DNAH6: variants seen among roughly 807,000 people sequenced by gnomAD.
DNAH6 encodes axonemal beta dynein heavy chain 6.
A neutral mutation model predicts 491.4 loss-of-function variants in DNAH6; 340 were observed. The ratio of observed to expected loss-of-function variants is 0.69; its 90% CI spans 0.63 to 0.76. The LOEUF is 0.76. Ranked by LOEUF, DNAH6 falls within the 30% of genes least tolerant of loss-of-function variation. DNAH6 has a pLI of 0.00. For missense variants in DNAH6, 4,443 were observed against 4,972.2 expected, an observed-to-expected ratio of 0.89 and a Z score of 3.20; for synonymous variants, 1,603 against 1,686.1, an observed-to-expected ratio of 0.95 and a Z score of 1.21.
intron 72 of DNAH6, among the ~76,000 whole-genome samples, chr2:84,810,746 C>G (rs1173241166): frequency 6.6e-6 from 1 of 152,148 alleles, no homozygotes; most frequent in African/African-American, 2.4e-5. Context: ...CAGACAGAAC[C>G]GTGGGATAGG....
chr2:84,630,636 A>T (rs535768107), intron 29 of DNAH6, among the ~76,000 whole-genome samples: 1 of 152,358 alleles, frequency 6.6e-6, no homozygotes, highest in South Asian at 2.1e-4. Context: ...ACAGTAACCA[A>T]ATGCAATGTT....
chr2:84,470,863 G>C, the DNAH6 span, among the ~76,000 whole-genome samples: 2 of 152,104 alleles, frequency 1.3e-5, no homozygotes, highest in African/African-American at 4.8e-5. Context: ...GGGACCAGGG[G>C]GCCATCGCAA....
intron 64 of DNAH6, among the ~76,000 whole-genome samples, chr2:84,781,278 A>G (rs1380130522): frequency 6.6e-6 from 1 of 152,138 alleles, no homozygotes; most frequent in Non-Finnish European, 1.5e-5. Flanking sequence ...TCATTTGTAG[A>G]GCTGTATATT....
chr2:84,527,383 C>A (rs1676699193), intron 3 of DNAH6, among the ~76,000 whole-genome samples: 1 of 151,948 alleles, frequency 6.6e-6, no homozygotes, highest in South Asian at 2.1e-4. Context: ...TCACATTTTC[C>A]CACTGAGTTA....
chr2:84,602,803 T>TG (rs1685383958), intron 18 of DNAH6, among the ~76,000 whole-genome samples: 1 of 150,286 alleles, frequency 6.7e-6, no homozygotes, highest in South Asian at 2.1e-4. Flanking sequence ...CTCTGTTTTT[T>TG]TTTTTTTTTC....
the DNAH6 span, among the ~76,000 whole-genome samples, chr2:84,465,605 A>G: frequency 9.9e-5 from 15 of 152,246 alleles, no homozygotes; most frequent in South Asian, 1.9e-3. Flanking sequence ...AGTTATTCCA[A>G]GAAAACTAAA....
At chr2:84,583,598 T>C (rs1278000320) in intron 14 of DNAH6, among the ~76,000 whole-genome samples, 2 of 152,220 alleles carry the variant, frequency 1.3e-5, no homozygotes, top group Admixed American at 1.3e-4. Flanking sequence ...TTGAATTGAA[T>C]TCCTACATGT....
At chr2:84,720,771 T>G (rs959499660) in intron 59 of DNAH6, among the ~76,000 whole-genome samples, 7 of 152,192 alleles carry the variant, frequency 4.6e-5, no homozygotes, top group African/African-American at 1.4e-4. Flanking sequence ...CTATCTTTAT[T>G]GGTTTACTCT....
intron 33 of DNAH6, among the ~76,000 whole-genome samples, chr2:84,642,576 C>A (rs540120642): frequency 6.6e-6 from 1 of 152,258 alleles, no homozygotes; most frequent in South Asian, 2.1e-4. Context: ...CTCCAAACTT[C>A]TTAATACCAC....
At chr2:84,806,352 G>T (rs1679407362) in intron 71 of DNAH6, among the ~76,000 whole-genome samples, 1 of 152,186 alleles carries the variant, frequency 6.6e-6, no homozygotes, top group South Asian at 2.1e-4. Flanking sequence ...GGGCACAGTG[G>T]CTGATGCCTG....
chr2:84,541,288 G>A (rs923752646), intron 4 of DNAH6, among the ~76,000 whole-genome samples: 16 of 152,292 alleles, frequency 1.1e-4, no homozygotes, highest in African/African-American at 3.8e-4. Flanking sequence ...GAAAGTCTAA[G>A]AATAGGATTA....
At chr2:84,602,589 A>G (rs1032725744) in intron 18 of DNAH6, among the ~76,000 whole-genome samples, 12 of 130,482 alleles carry the variant, frequency 9.2e-5, no homozygotes, top group Non-Finnish European at 1.9e-4. Context: ...TGCATGTGCT[A>G]TTGTTACTGT....
upstream of DNAH6, among the ~76,000 whole-genome samples, chr2:84,512,201 A>T (rs1675361722): frequency 6.6e-6 from 1 of 152,180 alleles, no homozygotes; most frequent in African/African-American, 2.4e-5. Flanking sequence ...ATAATGGAAT[A>T]CATAACACAG....
intron 45 of DNAH6, among the ~76,000 whole-genome samples, chr2:84,690,824 A>G (rs1295775809): frequency 6.6e-6 from 1 of 152,214 alleles, no homozygotes; most frequent in Non-Finnish European, 1.5e-5. Flanking sequence ...TATGAAAGTG[A>G]GTTATGGATT....
intron 15 of DNAH6, among the ~76,000 whole-genome samples, chr2:84,586,108 G>A (rs753309361): frequency 1.2e-4 from 18 of 152,348 alleles, no homozygotes; most frequent in South Asian, 2.1e-4. Flanking sequence ...TCCAAGATCA[G>A]AGCAGGGAGA....
At chr2:84,484,089 G>T in the DNAH6 span, among the ~76,000 whole-genome samples, 3 of 152,098 alleles carry the variant, frequency 2.0e-5, no homozygotes, top group African/African-American at 7.2e-5. Context: ...TACTCTAAAA[G>T]ATTTGTCTTG....
At chr2:84,743,652 T>G (rs1442963820) in intron 62 of DNAH6, among the ~76,000 whole-genome samples, 1 of 152,080 alleles carries the variant, frequency 6.6e-6, no homozygotes, top group Non-Finnish European at 1.5e-5. Context: ...TGAAATCCCA[T>G]CTCTACTAAA....
chr2:84,495,319 T>C, the DNAH6 span, among the ~76,000 whole-genome samples: 1 of 152,182 alleles, frequency 6.6e-6, no homozygotes, highest in East Asian at 1.9e-4. Context: ...TGCACCACCA[T>C]GCCCTGCTAA....
intron 46 of DNAH6, 126 bp from the exon 47 acceptor site, chr2:84,697,449 G>T: frequency 1.9e-6 from 2 of 1,076,542 alleles, no homozygotes; most frequent in Non-Finnish European, 2.6e-6. Context: ...AGGGTTCCAT[G>T]AAATTTTTAA....
Sources: gnomAD v4.1 joint callset for allele counts (sites outside exome capture counted in the v4.1 genomes callset) on GRCh38, gnomAD v4.1.1 for gene constraint, MANE v1.5 for transcripts, NCBI Gene and HGNC (gene_info 2026-07-23, HGNC 2026-07-21) for gene names.